Variants in CEP83 observed in about 807,000 individuals in gnomAD.
CEP83 encodes centrosomal protein 83, also known as centrosomal protein of 83 kDa.
A neutral mutation model predicts 101.9 loss-of-function variants in CEP83; 70 were observed. That is an observed-to-expected ratio of 0.69 (90% confidence interval 0.57 to 0.84). The LOEUF (loss-of-function observed/expected upper bound fraction) is 0.84, where lower values mean the gene tolerates loss of function less well. CEP83 is among the 40% of genes least tolerant of loss of function. The pLI is 0.00. For synonymous variants in CEP83, 264 were observed against 267.9 expected (o/e 0.99, Z 0.14); for missense variants, 715 against 787.2 (o/e 0.91, Z 1.10).
rs146607519 is a variant in CEP83, at chr12:94,373,145, C to T, written c.933+2741G>A. On this transcript the variant is annotated intron_variant, in intron 8 of 16. Transcript: ENST00000397809. ...AGGGATTTTTTTTTTAAATAAAATG[C>T]TCATGTTAAAATGTTGCATAAAATT... Among the ~76,000 whole-genome samples, 732 of 152,042 alleles carry T rather than the reference C, an allele frequency of 4.8e-3. 5 individuals are homozygous for T. The highest frequency in any genetic ancestry group is 8.5e-3 in the Non-Finnish European group (579 of 67,988).
downstream of CEP83, among the ~76,000 whole-genome samples, chr12:94,302,101 CTGA>C (rs1968524596): frequency 6.6e-6 from 1 of 152,190 alleles, no homozygotes; most frequent in South Asian, 2.1e-4. Flanking sequence ...AAACATAAAT[CTGA>C]TGATGTCAGT....
chr12:94,295,891 T>C, the CEP83 span, among the ~76,000 whole-genome samples: 11 of 152,168 alleles, frequency 7.2e-5, no homozygotes, highest in Non-Finnish European at 1.3e-4. Context: ...GCAGATGACT[T>C]CACCCTGCAC....
chr12:94,391,212 A>G (rs891464718), intron 6 of CEP83, among the ~76,000 whole-genome samples: 1 of 152,176 alleles, frequency 6.6e-6, no homozygotes, highest in African/African-American at 2.4e-5. Flanking sequence ...AAAAAGTGTT[A>G]AGGGCAGGCA....
At chr12:94,367,496 G>C (rs575645473) in intron 11 of CEP83, among the ~76,000 whole-genome samples, 3 of 152,112 alleles carry the variant, frequency 2.0e-5, no homozygotes, top group Admixed American at 1.3e-4. Context: ...CAGATTAAAA[G>C]TAACTAAATG....
chr12:94,378,690 T>C (rs572795466), intron 7 of CEP83, 101 bp downstream of exon 7: 8 of 1,269,656 alleles, frequency 6.3e-6, no homozygotes, highest in African/African-American at 1.5e-5. Context: ...GCATCAGCAT[T>C]AGCTTGGGGG....
At chr12:94,408,531 T>C (rs563045330) in intron 4 of CEP83, among the ~76,000 whole-genome samples, 1 of 152,290 alleles carries the variant, frequency 6.6e-6, no homozygotes, top group African/African-American at 2.4e-5. Flanking sequence ...ACATGGTACA[T>C]AGTAACACAA....
intron 1 of CEP83, among the ~76,000 whole-genome samples, chr12:94,448,775 T>C (rs2066994447): frequency 6.6e-6 from 1 of 152,054 alleles, no homozygotes; most frequent in Non-Finnish European, 1.5e-5. Flanking sequence ...AGAATGCAAC[T>C]AAAGCAGTGC....
chr12:94,298,531 A>C, the CEP83 span: 1 of 981,218 alleles, frequency 1.0e-6, no homozygotes. Flanking sequence ...CCCTGTTTTG[A>C]ACATTATTTT....
At chr12:94,365,829 C>T (rs886255803) in intron 11 of CEP83, among the ~76,000 whole-genome samples, 1 of 149,518 alleles carries the variant, frequency 6.7e-6, no homozygotes, top group Non-Finnish European at 1.5e-5. Context: ...GAGACTATTT[C>T]ACTAAACACT....
intron 2 of CEP83, among the ~76,000 whole-genome samples, chr12:94,422,051 ATTAGGT>A (rs1184897462): frequency 6.6e-6 from 1 of 152,232 alleles, no homozygotes; most frequent in Non-Finnish European, 1.5e-5. Context: ...CCAAGCAAGC[ATTAGGT>A]TATAGCCTGT....
intron 15 of CEP83, 94 bp from the exon 16 acceptor site, chr12:94,310,201 A>C: frequency 2.0e-6 from 1 of 498,336 alleles, no homozygotes; most frequent in Non-Finnish European, 3.4e-6. Flanking sequence ...GGAATTTCTA[A>C]ATTATGAGAT....
At chr12:94,455,710 C>T (rs920770515) in intron 1 of CEP83, among the ~76,000 whole-genome samples, 1 of 152,190 alleles carries the variant, frequency 6.6e-6, no homozygotes, top group Non-Finnish European at 1.5e-5. Context: ...AATAACTGGG[C>T]ATTTCCTTAA....
At chr12:94,325,745 A>G (rs2058948591) in intron 14 of CEP83, among the ~76,000 whole-genome samples, 1 of 152,198 alleles carries the variant, frequency 6.6e-6, no homozygotes, top group South Asian at 2.1e-4. Flanking sequence ...GGGGTGGGGG[A>G]AAATTTGAGA....
chr12:94,300,103 C>T, the CEP83 span, among the ~76,000 whole-genome samples: 1 of 152,142 alleles, frequency 6.6e-6, no homozygotes, highest in African/African-American at 2.4e-5. Context: ...CTACTATGGG[C>T]CAAGCAGTTA....
intron 14 of CEP83, among the ~76,000 whole-genome samples, chr12:94,327,350 C>T (rs1200094812): frequency 1.3e-5 from 2 of 152,108 alleles, no homozygotes; most frequent in Non-Finnish European, 2.9e-5. Flanking sequence ...CTTTGGTTCC[C>T]ATAACATCAC....
chr12:94,433,595 C>T (rs945562903), intron 2 of CEP83, among the ~76,000 whole-genome samples: 2 of 151,504 alleles, frequency 1.3e-5, no homozygotes, highest in African/African-American at 2.4e-5. Context: ...GTGGGAAGAT[C>T]GCTTGAGCCC....
At chr12:94,357,820 A>C (rs533303279) in intron 11 of CEP83, among the ~76,000 whole-genome samples, 78 of 152,352 alleles carry the variant, frequency 5.1e-4, no homozygotes, top group African/African-American at 1.7e-3. Flanking sequence ...TGTTATATCT[A>C]CTTCTGTTCC....
chr12:94,431,446 A>T (rs2065618570), intron 2 of CEP83, among the ~76,000 whole-genome samples: 1 of 152,156 alleles, frequency 6.6e-6, no homozygotes. Flanking sequence ...GACAAGTGGG[A>T]CTATATTAAA....
rs757117665 is a variant in CEP83 at position 94,308,804 on chromosome 12, C to G, written c.*9G>C. 1.3e-6 allele frequency: 2 copies of G among 1,577,292 alleles called. No individual in the cohort carries two copies. The highest frequency in any genetic ancestry group is 1.7e-6 in the Non-Finnish European group (2 of 1,146,906). On this transcript the variant is annotated 3_prime_UTR_variant, in exon 17 of 17. Coordinates refer to ENST00000397809, the MANE Select transcript of CEP83 (RefSeq NM_016122.3). ...TCACCTCTTTTGATCTGCCTGTTCT[C>G]CAAGAACATCATTCTCCGGAAGATC...
Sources: allele counts gnomAD v4.1 joint callset (sites outside exome capture counted in the v4.1 genomes callset), GRCh38; gene constraint gnomAD v4.1.1; transcripts MANE v1.5; gene names NCBI Gene and HGNC (gene_info 2026-07-23, HGNC 2026-07-21).